The following PRKCQ variants were observed in gnomAD, a reference collection of about 807,000 sequenced individuals.
PRKCQ encodes the protein protein kinase C theta type.
PRKCQ carries 41 observed loss-of-function variants against 91.2 expected under a neutral mutation model. The ratio of observed to expected loss-of-function variants is 0.45; its 90% confidence interval spans 0.35 to 0.58. The LOEUF (loss-of-function observed/expected upper bound fraction) is 0.58. Among genes scored for constraint, PRKCQ ranks in the 20% least tolerant of loss-of-function variants. The probability of loss-of-function intolerance (pLI) is 0.00; values close to 1 mark genes in which losing one functional copy is unlikely to be tolerated. For synonymous variants in PRKCQ, 307 were observed against 316.9 expected (o/e 0.97, Z 0.33); for missense variants, 673 against 896.5 (o/e 0.75, Z 3.18).
intron 7 of PRKCQ, among the ~76,000 whole-genome samples, chr10:6,495,731 G>A (rs914601213): frequency 1.1e-4 from 17 of 152,322 alleles, no homozygotes; most frequent in African/African-American, 3.8e-4. Context: ...AAAAGGAAAC[G>A]GTGGGAGAAG....
At chr10:6,548,864 C>G (rs986800607) in intron 1 of PRKCQ, among the ~76,000 whole-genome samples, 7 of 151,836 alleles carry the variant, frequency 4.6e-5, no homozygotes, top group Non-Finnish European at 8.8e-5. Flanking sequence ...CACATGTACC[C>G]TAAAACTTAA....
chr10:6,395,054 G>GTTTTTT, the PRKCQ span, among the ~76,000 whole-genome samples: 837 of 129,746 alleles, frequency 6.5e-3, 28 homozygotes, highest in Non-Finnish European at 8.8e-3. Flanking sequence ...GGAAGCTGGA[G>GTTTTTT]TCTTTTTTTT....
chr10:6,564,793 C>G (rs1840777060), intron 1 of PRKCQ, among the ~76,000 whole-genome samples: 1 of 152,152 alleles, frequency 6.6e-6, no homozygotes. Context: ...CAAAGCAATG[C>G]TCTGGGTCAA....
chr10:6,440,393 G>C (rs575371419), intron 16 of PRKCQ, among the ~76,000 whole-genome samples: 1 of 152,352 alleles, frequency 6.6e-6, no homozygotes, highest in South Asian at 2.1e-4. Flanking sequence ...ACATCTGCAA[G>C]GATAAGTATT....
At chr10:6,444,581 G>C (rs1834148682) in intron 15 of PRKCQ, among the ~76,000 whole-genome samples, 1 of 152,012 alleles carries the variant, frequency 6.6e-6, no homozygotes, top group African/African-American at 2.4e-5. Context: ...AATGGAGAAG[G>C]AATAATAGGA....
chr10:6,414,777 G>T, the PRKCQ span, among the ~76,000 whole-genome samples: 10 of 131,606 alleles, frequency 7.6e-5, no homozygotes, highest in African/African-American at 3.0e-4. Context: ...AAGACCCTGA[G>T]ATAAAAGTGA....
chr10:6,462,401 T>A (rs1433255376), intron 13 of PRKCQ, 36 bp from the exon 14 acceptor site: 4 of 1,600,672 alleles, frequency 2.5e-6, no homozygotes, highest in Middle Eastern at 1.7e-4. Context: ...ACATGAATGT[T>A]GTCATGGAAC....
At chr10:6,396,160 G>A in the PRKCQ span, among the ~76,000 whole-genome samples, 1 of 152,090 alleles carries the variant, frequency 6.6e-6, no homozygotes, top group African/African-American at 2.4e-5. Context: ...TCACCCCTAA[G>A]TACTAGACTC....
At chr10:6,565,723 T>C (rs1840815077) in intron 1 of PRKCQ, among the ~76,000 whole-genome samples, 1 of 152,220 alleles carries the variant, frequency 6.6e-6, no homozygotes. Context: ...GGAAAGTCCT[T>C]TTCATTGCAA....
intron 4 of PRKCQ, among the ~76,000 whole-genome samples, chr10:6,500,612 T>A (rs990928617): frequency 6.6e-6 from 1 of 152,112 alleles, no homozygotes; most frequent in Non-Finnish European, 1.5e-5. Flanking sequence ...TACAAAAGAA[T>A]AAATGTAAAA....
At position 6,427,417 on chromosome 10, in the gene PRKCQ, T is replaced by C. The variant is rs1833168821; in HGVS notation, c.*790A>G. 6.6e-6 allele frequency: 1 copy of C among 152,240 alleles called. No homozygotes were observed. Among genetic ancestry groups the C allele is most frequent in the Non-Finnish European group, 1.5e-5 (1 of 68,038 alleles). 9.4% of individuals were successfully genotyped at this position (152,240 alleles called of 1,614,324 possible). ...GACTTATGCACTTCATTTCTTTTCT[T>C]GTTATAGTGTGAGAATGGCAGTGAG... On this transcript the variant is annotated 3_prime_UTR_variant, in exon 18 of 18. Transcript: ENST00000263125.
At chr10:6,563,998 C>T (rs1454321301) in intron 1 of PRKCQ, among the ~76,000 whole-genome samples, 1 of 152,102 alleles carries the variant, frequency 6.6e-6, no homozygotes, top group Non-Finnish European at 1.5e-5. Context: ...ACGATGTGAG[C>T]GTGAGGAAGT....
At chr10:6,566,678 C>T (rs761132285) in intron 1 of PRKCQ, among the ~76,000 whole-genome samples, 1 of 152,002 alleles carries the variant, frequency 6.6e-6, no homozygotes, top group East Asian at 1.9e-4. Flanking sequence ...TGTGTGCCAG[C>T]GACCACCTGT....
chr10:6,466,884 T>C (rs1835682681), intron 12 of PRKCQ, among the ~76,000 whole-genome samples: 1 of 152,166 alleles, frequency 6.6e-6, no homozygotes, highest in African/African-American at 2.4e-5. Context: ...GCAAAGAATG[T>C]GGGCTTCATC....
At chr10:6,473,508 G>C (rs938217602) in intron 12 of PRKCQ, among the ~76,000 whole-genome samples, 1 of 152,206 alleles carries the variant, frequency 6.6e-6, no homozygotes, top group Non-Finnish European at 1.5e-5. Context: ...AAATAACAAC[G>C]TGTAAGCGTT....
At chr10:6,579,654 T>A (rs1051931853) in intron 1 of PRKCQ, among the ~76,000 whole-genome samples, 1 of 103,954 alleles carries the variant, frequency 9.6e-6, no homozygotes, top group African/African-American at 3.6e-5. Context: ...TTTTTCTTTT[T>A]TTTTTTTTTT....
rs570811030 is a variant in PRKCQ at position 6,449,863 on chromosome 10, C to T, written c.1647+6811G>A. Among the ~76,000 whole-genome samples the T allele has an allele frequency of 6.1e-3, 923 of 152,254 alleles. 7 individuals carry two copies. The highest frequency in any genetic ancestry group is 0.01 in the Middle Eastern group (3 of 294). ...TCATAAGTGAAGGAGAAATAAAATACTTTACAGACAAGAAAATGCTGAGGG... is the reference window on the plus strand; with the variant it reads ...TCATAAGTGAAGGAGAAATAAAATATTTTACAGACAAGAAAATGCTGAGGG... On this transcript the variant is annotated intron_variant, in intron 15 of 17. Transcript: ENST00000263125.
intron 12 of PRKCQ, among the ~76,000 whole-genome samples, chr10:6,470,357 T>C (rs2061385271): frequency 6.6e-6 from 1 of 152,200 alleles, no homozygotes; most frequent in Non-Finnish European, 1.5e-5. Context: ...ATTTCTGCAG[T>C]ACGTTGATTC....
intron 1 of PRKCQ, among the ~76,000 whole-genome samples, chr10:6,557,157 A>G (rs6602825): frequency 0.91 from 137,928 of 152,104 alleles, 63,221 homozygotes; most frequent in East Asian, 1. Context: ...CCCTTCCTTC[A>G]CCAACCAGCT....
Sources: allele counts gnomAD v4.1 joint callset (sites outside exome capture counted in the v4.1 genomes callset), GRCh38; gene constraint gnomAD v4.1.1; transcripts MANE v1.5; gene names NCBI Gene and HGNC (gene_info 2026-07-23, HGNC 2026-07-21).